The following TANK variants were observed in gnomAD, a reference collection of about 807,000 sequenced individuals.
The protein encoded by TANK is TRAF family member associated NFKB activator.
In TANK, 15 loss-of-function variants were observed where a neutral mutation model predicts 43.6. That is an observed-to-expected ratio of 0.34 (90% CI 0.23 to 0.53). The LOEUF (loss-of-function observed/expected upper bound fraction) is 0.53, where lower values mean the gene tolerates loss of function less well. TANK is among the 20% of genes least tolerant of loss of function. The pLI is 0.94. For missense variants in TANK, 417 were observed against 498.6 expected (o/e 0.84, Z 1.56); for synonymous variants, 162 against 178.2 (o/e 0.91, Z 0.73).
chr2:161,184,401 T>G (rs979626135), intron 2 of TANK, among the ~76,000 whole-genome samples: 2 of 152,166 alleles, frequency 1.3e-5, no homozygotes, highest in South Asian at 4.1e-4. Context: ...AACTATCCAG[T>G]TGCACTTTAT....
At chr2:161,172,370 TTTTTG>T (rs1684986674) in intron 1 of TANK, among the ~76,000 whole-genome samples, 1 of 150,782 alleles carries the variant, frequency 6.6e-6, no homozygotes, top group East Asian at 1.9e-4. Context: ...TTTTTTTTTT[TTTTTG>T]GGGGTAAAAC....
At chr2:161,186,161 C>T (rs1450095053) in intron 2 of TANK, among the ~76,000 whole-genome samples, 1 of 152,154 alleles carries the variant, frequency 6.6e-6, no homozygotes, top group Non-Finnish European at 1.5e-5. Flanking sequence ...TGCACTCCAC[C>T]CTGGTGACAG....
chr2:161,195,880 T>C (rs1292350562), intron 2 of TANK, among the ~76,000 whole-genome samples: 3 of 151,410 alleles, frequency 2.0e-5, no homozygotes, highest in African/African-American at 7.3e-5. Context: ...AGGTCAGGAG[T>C]TCAAGACCAG....
In TANK at chr2:161,236,134, T is replaced by A. The variant is rs1422421288; in HGVS notation, c.*616T>A. ...ACATGGCTTTAATTTTTACTGTGTG[T>A]ATAGCTACATGATGAAATTAATTAA... On this transcript the variant is annotated 3_prime_UTR_variant, in exon 8 of 8. Coordinates refer to ENST00000392749, the MANE Select transcript of TANK (RefSeq NM_001199135.3). 4 of 151,446 alleles carry A rather than the reference T, an allele frequency of 2.6e-5. No homozygotes were observed. 9.4% of individuals were successfully genotyped at this position (151,446 alleles called of 1,614,324 possible).
upstream of TANK, chr2:161,160,361 A>G: frequency 8.9e-7 from 1 of 1,122,298 alleles, no homozygotes; most frequent in Non-Finnish European, 1.1e-6. Flanking sequence ...GGAGGTGAAG[A>G]GTTAATGGCT....
At chr2:161,191,240 T>C (rs1685901780) in intron 2 of TANK, among the ~76,000 whole-genome samples, 1 of 152,220 alleles carries the variant, frequency 6.6e-6, no homozygotes, top group Non-Finnish European at 1.5e-5. Context: ...ATAAGTGATT[T>C]TTAAAATATT....
At chr2:161,188,677 G>A (rs1685776496) in intron 2 of TANK, among the ~76,000 whole-genome samples, 1 of 152,082 alleles carries the variant, frequency 6.6e-6, no homozygotes, top group Non-Finnish European at 1.5e-5. Flanking sequence ...CATTCTATGA[G>A]GCCAGCATTA....
chr2:161,196,922 T>A (rs576106761), intron 2 of TANK, among the ~76,000 whole-genome samples: 1 of 152,302 alleles, frequency 6.6e-6, no homozygotes, highest in African/African-American at 2.4e-5. Flanking sequence ...TAAAACTGAT[T>A]TTGGTACATA....
At chr2:161,202,095 C>T (rs1205205879) in intron 2 of TANK, among the ~76,000 whole-genome samples, 4 of 151,268 alleles carry the variant, frequency 2.6e-5, no homozygotes, top group Admixed American at 2.6e-4. Context: ...GGTTGCTTAT[C>T]AGCTTTGTCA....
intron 4 of TANK, among the ~76,000 whole-genome samples, chr2:161,218,082 C>T (rs572125557): frequency 2.6e-5 from 4 of 152,006 alleles, no homozygotes; most frequent in Non-Finnish European, 4.4e-5. Flanking sequence ...ACAAGTGACT[C>T]GTTTGGCAAA....
In TANK at chr2:161,230,991, A is replaced by G. The variant is rs1687884402; in HGVS notation, c.541A>G (p.Ile181Val). 8 of 1,613,998 alleles carry G rather than the reference A, an allele frequency of 5.0e-6. No individual in the cohort carries two copies. Among genetic ancestry groups the G allele is most frequent in the Non-Finnish European group, 6.8e-6 (8 of 1,179,884 alleles). The change falls in exon 7 of 8, where the codon ATA (isoleucine) becomes GTA (valine). Residue 181 changes from isoleucine (I) to valine (V), a missense_variant. Transcript: ENST00000392749. ...TATETQCSVPIQCTDKTDKQE... is the reference protein window; with the variant it reads ...TATETQCSVPVQCTDKTDKQE... ...TCCAGAAACACAGTGCTCTGTGCCT[A>G]TACAGTGTACGGATAAAACAGATAA...
At chr2:161,138,504 T>C (rs745376711) in intron 1 of TANK, among the ~76,000 whole-genome samples, 2 of 152,210 alleles carry the variant, frequency 1.3e-5, no homozygotes, top group African/African-American at 2.4e-5. Context: ...CAAGTCATTT[T>C]TAGAAGCTAG....
chr2:161,211,975 A>G, intron 4 of TANK: 1 of 950,478 alleles, frequency 1.1e-6, no homozygotes, highest in Non-Finnish European at 1.3e-6. Flanking sequence ...ACTTTCTGGT[A>G]GAATGTTAAT....
upstream of TANK, among the ~76,000 whole-genome samples, chr2:161,158,392 A>G (rs1385238473): frequency 6.6e-6 from 1 of 152,256 alleles, no homozygotes; most frequent in African/African-American, 2.4e-5. Flanking sequence ...TAGGAAAAGG[A>G]AAATGTTTGA....
chr2:161,163,139 T>C (rs911152167), intron 1 of TANK: 2 of 152,168 alleles, frequency 1.3e-5, no homozygotes, highest in Non-Finnish European at 2.9e-5. Context: ...TTATGCTGGT[T>C]CCTAAAAAGA....
At chr2:161,216,213 A>G (rs573723461) in intron 4 of TANK, among the ~76,000 whole-genome samples, 5 of 152,066 alleles carry the variant, frequency 3.3e-5, no homozygotes, top group Non-Finnish European at 7.4e-5. Flanking sequence ...TTCCCTCTAC[A>G]TTTTATCTTA....
At chr2:161,152,596 T>A (rs1353502779) in intron 1 of TANK, among the ~76,000 whole-genome samples, 2 of 152,144 alleles carry the variant, frequency 1.3e-5, no homozygotes, top group Non-Finnish European at 2.9e-5. Flanking sequence ...AAAAATTGCC[T>A]CAAAAATTGA....
chr2:161,199,200 T>C (rs1200127095), intron 2 of TANK, among the ~76,000 whole-genome samples: 1 of 152,182 alleles, frequency 6.6e-6, no homozygotes, highest in Non-Finnish European at 1.5e-5. Flanking sequence ...TTTCATTCTC[T>C]TTATTAACCT....
chr2:161,145,247 C>G (rs1281314993), intron 1 of TANK, among the ~76,000 whole-genome samples: 3 of 143,904 alleles, frequency 2.1e-5, no homozygotes, highest in Admixed American at 7.2e-5. Context: ...CTCCCAAATA[C>G]AGCACACTGA....
Sources: allele counts gnomAD v4.1 joint callset (sites outside exome capture counted in the v4.1 genomes callset), GRCh38; gene constraint gnomAD v4.1.1; transcripts MANE v1.5; gene names NCBI Gene and HGNC (gene_info 2026-07-23, HGNC 2026-07-21).